KIF5C: variants seen among roughly 807,000 people sequenced by gnomAD.
KIF5C encodes the protein kinesin family member 5C.
In KIF5C, 18 loss-of-function variants were observed where a neutral mutation model predicts 125.2. The observed-to-expected ratio is 0.14, with a 90% confidence interval of 0.10 to 0.21. The LOEUF (loss-of-function observed/expected upper bound fraction) is 0.21. Ranked by LOEUF, KIF5C falls within the 10% of genes least tolerant of loss-of-function variation. The pLI is 1.00. For synonymous variants in KIF5C, 405 were observed against 434.0 expected (o/e 0.93, Z 0.83); for missense variants, 780 against 1,183.8 (o/e 0.66, Z 5.01).
At chr2:149,007,358 C>T (rs1354875960) in intron 22 of KIF5C, among the ~76,000 whole-genome samples, 2 of 152,204 alleles carry the variant, frequency 1.3e-5, no homozygotes, top group Non-Finnish European at 2.9e-5. Flanking sequence ...TGCCACTCGG[C>T]TTGCCAGGAG....
intron 2 of KIF5C, 59 bp from the exon 3 acceptor site, chr2:148,929,222 C>A (rs935551323): frequency 9.5e-7 from 1 of 1,055,708 alleles, no homozygotes; most frequent in Non-Finnish European, 1.4e-6. Flanking sequence ...AATATGCAAC[C>A]TACACCAGCA....
chr2:148,941,760 A>T, intron 5 of KIF5C, 102 bp downstream of exon 5: 5 of 1,488,720 alleles, frequency 3.4e-6, no homozygotes, highest in Non-Finnish European at 4.5e-6. Flanking sequence ...ATGAAAATTT[A>T]TAGAGATACT....
chr2:149,004,490 A>C (rs1168042884), intron 21 of KIF5C, among the ~76,000 whole-genome samples: 1 of 152,206 alleles, frequency 6.6e-6, no homozygotes. Context: ...AACAAAGATC[A>C]CCAGATTTGG....
intron 1 of KIF5C, among the ~76,000 whole-genome samples, chr2:148,919,182 A>T (rs1484877909): frequency 6.6e-6 from 1 of 152,222 alleles, no homozygotes; most frequent in African/African-American, 2.4e-5. Flanking sequence ...TGAAATATTC[A>T]TTTAAATTAC....
At chr2:149,001,471 A>G (rs1681849775) in intron 21 of KIF5C, among the ~76,000 whole-genome samples, 1 of 152,204 alleles carries the variant, frequency 6.6e-6, no homozygotes, top group Non-Finnish European at 1.5e-5. Context: ...TAAGGTGAGC[A>G]CAGAGAGGTA....
chr2:148,893,130 G>T (rs552190167), intron 1 of KIF5C, among the ~76,000 whole-genome samples: 64 of 152,274 alleles, frequency 4.2e-4, no homozygotes, highest in African/African-American at 1.5e-3. Context: ...TCTATACCTG[G>T]CTTGTTTTGT....
chr2:148,946,366 A>G (rs1682520202), intron 7 of KIF5C, among the ~76,000 whole-genome samples: 1 of 152,160 alleles, frequency 6.6e-6, no homozygotes, highest in Non-Finnish European at 1.5e-5. Context: ...AATGAAGCAT[A>G]TTTAATTTTT....
rs1681741543 is a variant in KIF5C at position 148,998,447 on chromosome 2, G to A, written c.2148G>A (p.Lys716=). 2 of 1,567,868 alleles carry A rather than the reference G, an allele frequency of 1.3e-6. No homozygotes were observed. The highest frequency in any genetic ancestry group is 1.4e-5 in the African/African-American group (1 of 73,938). Residue 716 remains lysine, a synonymous_variant, in exon 19 of 26, where the codon AAG becomes AAA. Transcript: ENST00000435030. ...AGAGCCACCGGGAAGCTCACCAGAA[G>A]CAGCTGTCCAGACTCCGAGACGAAA... The part of the protein sequence containing the change: ...QMESHREAHQ[K]QLSRLRDEIE...
At chr2:148,941,565 T>TA (rs768011864) in intron 4 of KIF5C, 45 bp from the exon 5 acceptor site, 4 of 1,549,354 alleles carry the variant, frequency 2.6e-6, no homozygotes, top group Non-Finnish European at 3.5e-6. Context: ...ATTTTTGAAA[T>TA]ACACTGCGGC....
chr2:148,998,315 G>A, intron 18 of KIF5C, 85 bp from the exon 19 acceptor site: 1 of 1,531,528 alleles, frequency 6.5e-7, no homozygotes, highest in Non-Finnish European at 8.8e-7. Context: ...CACAGGGAAG[G>A]AGGTAGGTCC....
chr2:148,917,500 C>G (rs574751284), intron 1 of KIF5C, among the ~76,000 whole-genome samples: 3 of 152,278 alleles, frequency 2.0e-5, no homozygotes, highest in South Asian at 4.1e-4. Flanking sequence ...ATAATAATAC[C>G]TAGCTCATAG....
intron 10 of KIF5C, among the ~76,000 whole-genome samples, chr2:148,961,303 G>T (rs73009515): frequency 0.016 from 2,478 of 152,272 alleles, 68 homozygotes; most frequent in African/African-American, 0.056. Flanking sequence ...TGATGGGGGG[G>T]GCGGGTGTGT....
In KIF5C at chr2:148,876,179, C is replaced by T. The variant is rs1681183822; in HGVS notation, c.126+436C>T. Among the ~76,000 whole-genome samples the T allele has an allele frequency of 6.6e-6, 1 of 152,236 alleles. No homozygotes were observed. The highest frequency in any genetic ancestry group is 1.5e-5 in the Non-Finnish European group (1 of 68,036). On this transcript the variant is annotated intron_variant, in intron 1 of 25. Transcript: ENST00000435030. The surrounding 1 kb of genome is among the most constrained non-coding windows in gnomAD (Gnocchi z 4.7). ...CAATTCGATTTACCAAACGCCTTGC[C>T]TCTTCTTCTCACGACCCTAGCAAAA...
intron 3 of KIF5C, among the ~76,000 whole-genome samples, chr2:148,935,886 G>A (rs185158706): frequency 1.2e-4 from 19 of 152,296 alleles, no homozygotes; most frequent in Admixed American, 7.8e-4. Flanking sequence ...TCTTTAGGAA[G>A]TATGCAGTCA....
chr2:149,016,635 T>C (rs906900539), intron 25 of KIF5C, among the ~76,000 whole-genome samples: 1 of 152,154 alleles, frequency 6.6e-6, no homozygotes, highest in Non-Finnish European at 1.5e-5. Flanking sequence ...GAAAGCTTGG[T>C]TTCCATCATG....
chr2:148,987,199 T>TAA lies in KIF5C; in HGVS notation c.1716+3433_1716+3434insAA, dbSNP rs1681401772. The stretch of plus-strand genomic sequence containing the variant: ...ATTCAACAGGTTACAGGAGGAGCTA[T>TAA]GAAGATTCATGAAGGAGTGGCATGT... On this transcript the variant is annotated intron_variant, in intron 15 of 25. Coordinates refer to ENST00000435030, the MANE Select transcript of KIF5C (RefSeq NM_004522.3). Among the ~76,000 whole-genome samples the TAA allele has an allele frequency of 3.5e-4, 54 of 152,320 alleles. 2 individuals are homozygous for TAA. In the South Asian group the frequency reaches 0.011, roughly 31 times the overall value.
rs141648836 is a variant in KIF5C, at chr2:148,890,490, G to T, written c.126+14747G>T. Among the ~76,000 whole-genome samples, 1,253 of 152,206 alleles carry T rather than the reference G, an allele frequency of 8.2e-3. 13 individuals are homozygous for T. Among genetic ancestry groups the T allele is most frequent in the African/African-American group, 0.028 (1,171 of 41,526 alleles). On this transcript the variant is annotated intron_variant, in intron 1 of 25. Coordinates refer to ENST00000435030, the MANE Select transcript of KIF5C (RefSeq NM_004522.3). ...CACTCCAGCCTGGGCAACAGAGCAA[G>T]ACCCTGACTCTAAACAAAAAAAAGA...
chr2:148,916,462 C>A (rs1328414464), intron 1 of KIF5C, among the ~76,000 whole-genome samples: 4 of 152,066 alleles, frequency 2.6e-5, no homozygotes, highest in African/African-American at 9.7e-5. Flanking sequence ...GGCCTGGGGA[C>A]CTGGAGGGGC....
rs974391702 is a variant in KIF5C at position 148,941,870 on chromosome 2, T to G, written c.446-65T>G. 203 of 1,565,942 alleles carry G rather than the reference T, an allele frequency of 1.3e-4. 5 individuals carry two copies. In the South Asian group the frequency reaches 2.4e-3, roughly 18 times the overall value. On this transcript the variant is annotated intron_variant, in intron 5 of 25. Coordinates refer to ENST00000435030, the MANE Select transcript of KIF5C (RefSeq NM_004522.3). ...TGTCTTTGTAACAAACTTCCATTTT[T>G]CCTCCAATATAGAGTCTTTAACTTT...
Sources: gnomAD v4.1 joint callset for allele counts (sites outside exome capture counted in the v4.1 genomes callset) on GRCh38, gnomAD v4.1.1 for gene constraint, Gnocchi (gnomAD v3.1) non-coding constraint, MANE v1.5 for transcripts, NCBI Gene and HGNC (gene_info 2026-07-23, HGNC 2026-07-21) for gene names.